PBX3: variants seen among roughly 807,000 people sequenced by gnomAD.
PBX3 encodes the protein PBX homeobox 3.
PBX3 carries 14 observed loss-of-function variants against 48.5 expected under a neutral mutation model. The ratio of observed to expected loss-of-function variants is 0.29; its 90% CI spans 0.19 to 0.45. The LOEUF is 0.45. PBX3 is among the 20% of genes least tolerant of loss of function. The pLI is 1.00. For synonymous variants in PBX3, 210 were observed against 200.3 expected, an observed-to-expected ratio of 1.05 and a Z score of -0.41; for missense variants, 386 against 546.7, an observed-to-expected ratio of 0.71 and a Z score of 2.93.
chr9:125,815,183 GAA>G (rs1336721916), intron 2 of PBX3, among the ~76,000 whole-genome samples: 1 of 152,068 alleles, frequency 6.6e-6, no homozygotes, highest in Non-Finnish European at 1.5e-5. Flanking sequence ...ATTTTGAAAA[GAA>G]TATTTTTCAA....
rs562002513 is a variant in PBX3 at position 125,783,233 on chromosome 9, C to T, written c.274+34610C>T. Among the ~76,000 whole-genome samples the T allele has an allele frequency of 8.5e-5, 13 of 152,126 alleles. No individual in the cohort carries two copies. The East Asian group carries it at 2.1e-3, about 25-fold the overall frequency. On this transcript the variant is annotated intron_variant, in intron 2 of 8. Coordinates refer to ENST00000373489, the MANE Select transcript of PBX3 (RefSeq NM_006195.6). ...ATGTGTGATGGTATGCGTGATGTCTCGTTATTATACATTGAGATGCATGAT... is the reference window on the plus strand; with the variant it reads ...ATGTGTGATGGTATGCGTGATGTCTTGTTATTATACATTGAGATGCATGAT...
At chr9:125,763,359 A>G (rs1195185084) in intron 2 of PBX3, among the ~76,000 whole-genome samples, 2 of 152,244 alleles carry the variant, frequency 1.3e-5, no homozygotes, top group Non-Finnish European at 2.9e-5. Context: ...GCAGAAATGA[A>G]CAAAAAGATA....
chr9:125,798,659 T>C (rs1195405976), intron 2 of PBX3, among the ~76,000 whole-genome samples: 4 of 152,132 alleles, frequency 2.6e-5, no homozygotes, highest in Non-Finnish European at 5.9e-5. Context: ...GAACCTTTAA[T>C]GTATTTTCTT....
chr9:125,758,612 G>A (rs912710361), intron 2 of PBX3, among the ~76,000 whole-genome samples: 2 of 152,102 alleles, frequency 1.3e-5, no homozygotes, highest in Non-Finnish European at 1.5e-5. Context: ...AGTTTTAAAT[G>A]TTAGAATTGA....
At chr9:125,801,632 T>C (rs1162691060) in intron 2 of PBX3, among the ~76,000 whole-genome samples, 1 of 151,768 alleles carries the variant, frequency 6.6e-6, no homozygotes, top group Non-Finnish European at 1.5e-5. Context: ...AAATTAGTGA[T>C]GTATGTTATC....
At chr9:125,845,793 G>T (rs990990867) in intron 2 of PBX3, among the ~76,000 whole-genome samples, 7 of 151,948 alleles carry the variant, frequency 4.6e-5, no homozygotes, top group Non-Finnish European at 8.8e-5. Flanking sequence ...CTATTTTGGG[G>T]TTATATATGC....
chr9:125,885,089 C>T (rs1271379179), intron 2 of PBX3, among the ~76,000 whole-genome samples: 2 of 152,054 alleles, frequency 1.3e-5, no homozygotes, highest in Non-Finnish European at 2.9e-5. Context: ...GAATCTGTTA[C>T]AGTCATACAG....
intron 2 of PBX3, among the ~76,000 whole-genome samples, chr9:125,790,730 G>A (rs139806330): frequency 6.6e-6 from 1 of 151,992 alleles, no homozygotes; most frequent in African/African-American, 2.4e-5. Context: ...CATCATGCCT[G>A]GCTAATTTTT....
At chr9:125,950,870 T>C (rs1258286846) in intron 5 of PBX3, among the ~76,000 whole-genome samples, 2 of 152,194 alleles carry the variant, frequency 1.3e-5, no homozygotes, top group East Asian at 1.9e-4. Context: ...AGCTGAAATA[T>C]TTTGCATTGA....
intron 2 of PBX3, among the ~76,000 whole-genome samples, chr9:125,776,750 C>T (rs1033763501): frequency 2.6e-5 from 4 of 151,828 alleles, no homozygotes; most frequent in African/African-American, 9.7e-5. Flanking sequence ...TGCCATGTTC[C>T]CCAGGCTGGT....
chr9:125,850,298 T>G (rs778863801), intron 2 of PBX3, among the ~76,000 whole-genome samples: 40 of 152,056 alleles, frequency 2.6e-4, no homozygotes, highest in Non-Finnish European at 5.1e-4. Context: ...TTGGAACATA[T>G]GTGTCTTTGA....
At chr9:125,780,623 C>T (rs1367479437) in intron 2 of PBX3, among the ~76,000 whole-genome samples, 4 of 121,998 alleles carry the variant, frequency 3.3e-5, no homozygotes, top group South Asian at 2.7e-4. Flanking sequence ...CCGGACGGGG[C>T]GGCTGGCCGG....
At chr9:125,851,135 C>T (rs970161521) in intron 2 of PBX3, among the ~76,000 whole-genome samples, 1 of 151,938 alleles carries the variant, frequency 6.6e-6, no homozygotes, top group Non-Finnish European at 1.5e-5. Flanking sequence ...ATTTTTCAGC[C>T]TGAAAAAATA....
intron 2 of PBX3, among the ~76,000 whole-genome samples, chr9:125,870,886 T>G (rs1432042502): frequency 1.3e-5 from 2 of 152,164 alleles, no homozygotes; most frequent in African/African-American, 4.8e-5. Context: ...CAAGTTTTGC[T>G]GAGGGTGTGG....
In PBX3 at chr9:125,815,799, C is replaced by T. The variant is rs894114482; in HGVS notation, c.274+67176C>T. ...TACTGCCCCATTTCCTGTTGCTGTT[C>T]TCTGTCCAAGGTTGGAGCCTCTGTC... On this transcript the variant is annotated intron_variant, in intron 2 of 8. Transcript: ENST00000373489. 3.9e-5 allele frequency among the ~76,000 whole-genome samples: 6 copies of T among 152,142 alleles called. No homozygotes were observed. In the South Asian group the frequency reaches 1.0e-3, roughly 26 times the overall value.
At chr9:125,822,526 CTT>C (rs1838683167) in intron 2 of PBX3, among the ~76,000 whole-genome samples, 2 of 152,076 alleles carry the variant, frequency 1.3e-5, no homozygotes, top group African/African-American at 2.4e-5. Context: ...AAATAATACT[CTT>C]TCTTTAGAAA....
intron 2 of PBX3, among the ~76,000 whole-genome samples, chr9:125,851,496 A>G (rs922110430): frequency 6.6e-6 from 1 of 152,088 alleles, no homozygotes; most frequent in African/African-American, 2.4e-5. Context: ...ATTAGGAGAT[A>G]TTTTATAGAA....
chr9:125,907,855 C>A (rs1176680634), intron 2 of PBX3, among the ~76,000 whole-genome samples: 1 of 152,118 alleles, frequency 6.6e-6, no homozygotes, highest in African/African-American at 2.4e-5. Flanking sequence ...ACCATGTGAT[C>A]TTGGGCTCTA....
At chr9:125,850,760 CTGTT>C (rs1308887118) in intron 2 of PBX3, among the ~76,000 whole-genome samples, 1 of 152,060 alleles carries the variant, frequency 6.6e-6, no homozygotes, top group Non-Finnish European at 1.5e-5. Context: ...AAAGATAAAA[CTGTT>C]TGAGAAAATC....
Sources: gnomAD v4.1 joint callset for allele counts (sites outside exome capture counted in the v4.1 genomes callset) on GRCh38, gnomAD v4.1.1 for gene constraint, MANE v1.5 for transcripts, NCBI Gene and HGNC (gene_info 2026-07-23, HGNC 2026-07-21) for gene names.